Variants in UNC79 observed in about 807,000 individuals in gnomAD.
The protein encoded by UNC79 is unc-79 subunit of NALCN channel complex.
UNC79 carries 37 observed loss-of-function variants against 283.1 expected under a neutral mutation model. The ratio of observed to expected loss-of-function variants is 0.13; its 90% CI spans 0.10 to 0.17. UNC79 has a LOEUF of 0.17. UNC79 is among the 10% of genes least tolerant of loss of function. UNC79 has a pLI of 1.00. For synonymous variants in UNC79, 1,107 were observed against 1,200.2 expected, an observed-to-expected ratio of 0.92 and a Z score of 1.61; for missense variants, 2,272 against 3,211.1, an observed-to-expected ratio of 0.71 and a Z score of 7.07.
exon 49 of UNC79, chr14:93,706,775 G>T (rs372294905): frequency 6.2e-7 from 1 of 1,614,230 alleles, no homozygotes; most frequent in Admixed American, 1.7e-5. Flanking sequence ...GCCTAAGGAC[G>T]CTGCCGGGCT....
At chr14:93,686,784 C>T in intron 43 of UNC79, 123 bp downstream of exon 46, 4 of 1,051,582 alleles carry the variant, frequency 3.8e-6, no homozygotes, top group Non-Finnish European at 5.6e-6. Context: ...GTTGAATGAG[C>T]CCCTGTCTTG....
At chr14:93,539,232 A>G (rs2141159497) in intron 12 of UNC79, among the ~76,000 whole-genome samples, 1 of 149,606 alleles carries the variant, frequency 6.7e-6, no homozygotes, top group East Asian at 2.0e-4. Context: ...TTAATTAAAT[A>G]AATAATATGG....
intron 1 of UNC79, among the ~76,000 whole-genome samples, chr14:93,355,477 G>A (rs112121141): frequency 3.5e-4 from 53 of 152,188 alleles, no homozygotes; most frequent in African/African-American, 1.1e-3. Flanking sequence ...GATTACAGGC[G>A]TGAGCCACTG....
intron 7 of UNC79, among the ~76,000 whole-genome samples, chr14:93,517,517 GT>G (rs1466250536): frequency 4.0e-5 from 6 of 149,520 alleles, no homozygotes; most frequent in African/African-American, 1.2e-4. Context: ...TCTGTTCTTA[GT>G]TTGCTGAGAG....
At chr14:93,452,474 C>T (rs1268206221) in intron 1 of UNC79, among the ~76,000 whole-genome samples, 2 of 151,240 alleles carry the variant, frequency 1.3e-5, no homozygotes, top group Non-Finnish European at 2.9e-5. Context: ...CAGCAACCTC[C>T]GCCTCCCAGG....
chr14:93,448,207 G>T (rs1174175551), intron 1 of UNC79, among the ~76,000 whole-genome samples: 1 of 135,288 alleles, frequency 7.4e-6, no homozygotes, highest in Non-Finnish European at 1.6e-5. Context: ...TCTCTCCTCT[G>T]TTCTTCATGT....
At chr14:93,702,795 T>G (rs1312700438) in intron 47 of UNC79, among the ~76,000 whole-genome samples, 3 of 152,222 alleles carry the variant, frequency 2.0e-5, no homozygotes, top group Non-Finnish European at 4.4e-5. Context: ...ATCCTCAAGA[T>G]TTGTCTCTGC....
intron 14 of UNC79, among the ~76,000 whole-genome samples, chr14:93,562,468 A>T (rs1430775991): frequency 1.3e-5 from 2 of 152,212 alleles, no homozygotes; most frequent in Non-Finnish European, 2.9e-5. Context: ...ACCCTGTAGC[A>T]TCTCAAGGAC....
At chr14:93,662,615 A>G (rs1290157330) in exon 40 of UNC79, 1 of 1,606,322 alleles carries the variant, frequency 6.2e-7, no homozygotes, top group African/African-American at 1.3e-5. Context: ...GTTTGTTGGA[A>G]CCATTTTCAA....
intron 2 of UNC79, among the ~76,000 whole-genome samples, chr14:93,470,282 C>T (rs2140292253): frequency 6.6e-6 from 1 of 152,284 alleles, no homozygotes; most frequent in African/African-American, 2.4e-5. Flanking sequence ...ATACAACTCT[C>T]ATGATTTTAG....
At chr14:93,608,739 GTCAGTTCACATAGAGAAACGTTCCAATAT>G (rs1842022669) in intron 26 of UNC79, among the ~76,000 whole-genome samples, 1 of 152,210 alleles carries the variant, frequency 6.6e-6, no homozygotes, top group South Asian at 2.1e-4. Context: ...GGGTCAGTGA[GTCAGTTCACATAGAGAAACGTTCCAATAT>G]TCCTGCTGCT....
chr14:93,622,606 C>T (rs1223062459), exon 30 of UNC79: 15 of 1,614,082 alleles, frequency 9.3e-6, no homozygotes, highest in Admixed American at 3.3e-5. Flanking sequence ...TCAAAGTTCC[C>T]GAAGATGCAG....
At position 93,591,851 on chromosome 14, in the gene UNC79, C is replaced by T. The variant is rs539152757; in HGVS notation, c.3033-1829C>T. ...ACTTTTTACTGTGATTTGCAATTTA[C>T]TGGAGAGAGGAACTGCTCACACAGA... On this transcript the variant is annotated intron_variant, in intron 22 of 48. Coordinates refer to ENST00000555664, the Ensembl canonical transcript of UNC79. 4.6e-5 allele frequency among the ~76,000 whole-genome samples: 7 copies of T among 152,306 alleles called. No individual in the cohort carries two copies. In the South Asian group the frequency reaches 1.2e-3, roughly 27 times the overall value.
chr14:93,347,503 G>A, intron 1 of UNC79: 1 of 1,257,358 alleles, frequency 8.0e-7, no homozygotes, highest in Non-Finnish European at 1.0e-6. Flanking sequence ...CGCGTGGGAG[G>A]CTCTTGTGGC....
intron 38 of UNC79, among the ~76,000 whole-genome samples, chr14:93,657,198 T>G (rs1388109891): frequency 6.6e-6 from 1 of 152,186 alleles, no homozygotes; most frequent in Non-Finnish European, 1.5e-5. Context: ...ACTTTGAAAC[T>G]GTGTATGTGT....
intron 1 of UNC79, among the ~76,000 whole-genome samples, chr14:93,391,763 C>T (rs2054888180): frequency 6.6e-6 from 1 of 152,040 alleles, no homozygotes; most frequent in Non-Finnish European, 1.5e-5. Flanking sequence ...AGTATTCCTT[C>T]ATATTAATTA....
intron 32 of UNC79, among the ~76,000 whole-genome samples, chr14:93,639,381 G>A (rs1457330550): frequency 6.6e-6 from 1 of 152,208 alleles, no homozygotes; most frequent in Non-Finnish European, 1.5e-5. Flanking sequence ...GCAACTTCAT[G>A]CGGTTTACCG....
chr14:93,600,534 C>G, intron 24 of UNC79, 35 bp from the exon 25 acceptor site: 1 of 1,528,144 alleles, frequency 6.5e-7, no homozygotes, highest in South Asian at 1.2e-5. Flanking sequence ...ATCTGACTTT[C>G]TTCTTTTCTT....
chr14:93,350,000 A>T (rs2053952077), intron 1 of UNC79, among the ~76,000 whole-genome samples: 2 of 152,208 alleles, frequency 1.3e-5, no homozygotes, highest in Non-Finnish European at 2.9e-5. Context: ...ATGTAATTTT[A>T]AAATCGTAAA....
Sources: gnomAD v4.1 joint callset for allele counts (sites outside exome capture counted in the v4.1 genomes callset) on GRCh38, gnomAD v4.1.1 for gene constraint, MANE v1.5 for transcripts, NCBI Gene and HGNC (gene_info 2026-07-23, HGNC 2026-07-21) for gene names.